The following PRKCE variants were observed in gnomAD, a reference collection of about 807,000 sequenced individuals.
PRKCE encodes protein kinase C epsilon type.
Under a neutral mutation model 85.4 loss-of-function variants are expected in PRKCE, and 16 were observed. The ratio of observed to expected loss-of-function variants is 0.19; its 90% CI spans 0.13 to 0.28. PRKCE has a LOEUF of 0.28. Among genes scored for constraint, PRKCE ranks in the 10% least tolerant of loss-of-function variants. The probability of loss-of-function intolerance (pLI) is 1.00; values close to 1 mark genes in which losing one functional copy is unlikely to be tolerated. For missense variants in PRKCE, 573 were observed against 975.2 expected, an observed-to-expected ratio of 0.59 and a Z score of 5.49; for synonymous variants, 388 against 371.5, an observed-to-expected ratio of 1.04 and a Z score of -0.51.
chr2:45,782,504 C>T (rs1006239728), intron 1 of PRKCE, among the ~76,000 whole-genome samples: 5 of 152,098 alleles, frequency 3.3e-5, no homozygotes, highest in Non-Finnish European at 4.4e-5. Flanking sequence ...ATATCCCACA[C>T]GCGTCATAAA....
intron 1 of PRKCE, among the ~76,000 whole-genome samples, chr2:45,667,856 T>G (rs1027455029): frequency 2.4e-4 from 37 of 151,858 alleles, no homozygotes; most frequent in Non-Finnish European, 8.8e-5. Context: ...AGTGGCACTG[T>G]GGTTAAGTGG....
rs570020724 is a variant in PRKCE at position 45,975,019 on chromosome 2, C to T, written c.413-1410C>T. Among the ~76,000 whole-genome samples, 37 of 152,226 alleles carry T rather than the reference C, an allele frequency of 2.4e-4. No homozygotes were observed. The South Asian group carries it at 5.0e-3, about 20-fold the overall frequency. Reference sequence around the variant, plus strand: ...GGGACTTTCTGTAAGGAGTGCAGGCCGTCCTTCAGAGCAGCGTGTGGGTGG... The same window carrying T: ...GGGACTTTCTGTAAGGAGTGCAGGCTGTCCTTCAGAGCAGCGTGTGGGTGG... On this transcript the variant is annotated intron_variant, in intron 2 of 14. Coordinates refer to ENST00000306156, the MANE Select transcript of PRKCE (RefSeq NM_005400.3).
In PRKCE at chr2:45,652,534, G is replaced by C; in HGVS notation, c.348+86G>C. 1 of 1,295,674 alleles carries C rather than the reference G, an allele frequency of 7.7e-7. No individual in the cohort carries two copies. The highest frequency in any genetic ancestry group is 2.5e-5 in the Admixed American group (1 of 40,650). The allele number at this position is 1,295,674 out of a possible 1,614,324, so 80.3% of individuals were successfully genotyped here. On this transcript the variant is annotated intron_variant, in intron 1 of 14. Transcript: ENST00000306156. The surrounding 1 kb of genome is among the most constrained non-coding windows in gnomAD (Gnocchi z 7.7). ...CGCTGGTCTTGATCGTAGGGCTCCG[G>C]GACTTATTGACGACTGGGGTGTGTG...
intron 10 of PRKCE, among the ~76,000 whole-genome samples, chr2:46,042,629 A>G (rs140182084): frequency 0.011 from 1,751 of 152,290 alleles, 35 homozygotes; most frequent in African/African-American, 0.039. Flanking sequence ...CTTAATTTCA[A>G]CTAATGGCAT....
chr2:46,005,788 C>G (rs938761543), intron 8 of PRKCE, among the ~76,000 whole-genome samples: 3 of 152,154 alleles, frequency 2.0e-5, no homozygotes, highest in Admixed American at 1.3e-4. Flanking sequence ...CTTTCTGTGT[C>G]TTTATACTCT....
chr2:45,888,090 T>C (rs748723719), intron 2 of PRKCE, among the ~76,000 whole-genome samples: 4 of 152,192 alleles, frequency 2.6e-5, no homozygotes, highest in Non-Finnish European at 5.9e-5. Flanking sequence ...ACTGAGGTTA[T>C]AGCCAGAACA....
intron 11 of PRKCE, among the ~76,000 whole-genome samples, chr2:46,091,231 T>A (rs768969846): frequency 6.6e-6 from 1 of 152,142 alleles, no homozygotes; most frequent in African/African-American, 2.4e-5. Context: ...TTCCTAATTA[T>A]GGCATTTAAC....
chr2:45,914,058 C>T (rs1176402638), intron 2 of PRKCE, among the ~76,000 whole-genome samples: 2 of 152,218 alleles, frequency 1.3e-5, no homozygotes, highest in Non-Finnish European at 2.9e-5. Context: ...ATGTCAAGAG[C>T]TCTTAGCAGA....
intron 14 of PRKCE, among the ~76,000 whole-genome samples, chr2:46,179,677 T>C (rs1483013955): frequency 2.0e-5 from 3 of 152,216 alleles, no homozygotes; most frequent in Non-Finnish European, 4.4e-5. Context: ...CGAACCTGTT[T>C]GTTTCTATCT....
chr2:46,007,748 C>T, intron 9 of PRKCE, 87 bp downstream of exon 9: 4 of 1,384,400 alleles, frequency 2.9e-6, no homozygotes, highest in South Asian at 1.3e-5. Flanking sequence ...GAGAGAGGAA[C>T]CTTTCAGCCT....
At chr2:45,933,514 C>T (rs1312031321) in intron 2 of PRKCE, among the ~76,000 whole-genome samples, 1 of 144,628 alleles carries the variant, frequency 6.9e-6, no homozygotes, top group Non-Finnish European at 1.5e-5. Context: ...CGCTCTGCCG[C>T]CCAGGCTGGA....
At chr2:46,177,025 G>T (rs745914802) in intron 14 of PRKCE, among the ~76,000 whole-genome samples, 62 of 152,312 alleles carry the variant, frequency 4.1e-4, no homozygotes, top group Non-Finnish European at 6.5e-4. Flanking sequence ...CTGAGATTCA[G>T]AGAGGTAAGT....
chr2:45,660,891 A>G (rs77178283), intron 1 of PRKCE, among the ~76,000 whole-genome samples: 2,199 of 152,290 alleles, frequency 0.014, 57 homozygotes, highest in African/African-American at 0.05. Flanking sequence ...GGAACATACA[A>G]TTCATCGTAA....
intron 1 of PRKCE, among the ~76,000 whole-genome samples, chr2:45,681,274 G>A (rs1676873584): frequency 1.0e-5 from 1 of 95,596 alleles, no homozygotes; most frequent in Admixed American, 1.6e-4. Flanking sequence ...GGGAGACAGA[G>A]CAAGACTCTG....
At chr2:45,766,182 G>A (rs549157552) in intron 1 of PRKCE, among the ~76,000 whole-genome samples, 14 of 152,158 alleles carry the variant, frequency 9.2e-5, no homozygotes, top group African/African-American at 2.2e-4. Flanking sequence ...GTGCAGGTCC[G>A]TATACTCCAT....
At chr2:45,975,169 A>G (rs1195627969) in intron 2 of PRKCE, among the ~76,000 whole-genome samples, 1 of 152,194 alleles carries the variant, frequency 6.6e-6, no homozygotes, top group Non-Finnish European at 1.5e-5. Context: ...AAATGGGGCT[A>G]ATAGCAGTAC....
intron 2 of PRKCE, among the ~76,000 whole-genome samples, chr2:45,948,733 T>C (rs1310201228): frequency 1.3e-5 from 2 of 152,224 alleles, no homozygotes; most frequent in African/African-American, 4.8e-5. Context: ...TCTTTCTGTC[T>C]GCCCAGAGAT....
At chr2:45,824,979 G>T (rs1383659637) in intron 1 of PRKCE, among the ~76,000 whole-genome samples, 1 of 152,184 alleles carries the variant, frequency 6.6e-6, no homozygotes, top group Non-Finnish European at 1.5e-5. Flanking sequence ...GGTGGGAACC[G>T]GGAAAAGGTT....
intron 1 of PRKCE, among the ~76,000 whole-genome samples, chr2:45,716,060 G>T (rs1400973190): frequency 2.0e-5 from 3 of 152,130 alleles, no homozygotes; most frequent in Admixed American, 2.0e-4. Context: ...AAACCTACAA[G>T]CCCCTCCTTT....
Sources: allele counts gnomAD v4.1 joint callset (sites outside exome capture counted in the v4.1 genomes callset), GRCh38; gene constraint gnomAD v4.1.1; non-coding constraint Gnocchi (gnomAD v3.1); transcripts MANE v1.5; gene names NCBI Gene and HGNC (gene_info 2026-07-23, HGNC 2026-07-21).